TCF12: variants seen among roughly 807,000 people sequenced by gnomAD.
TCF12 encodes DNA-binding protein HTF4.
Under a neutral mutation model 86.0 loss-of-function variants are expected in TCF12, and 45 were observed. That is an observed-to-expected ratio of 0.52 (90% confidence interval 0.41 to 0.67). TCF12 has a LOEUF of 0.67. Among genes scored for constraint, TCF12 ranks in the 30% least tolerant of loss-of-function variants. The pLI, the probability that TCF12 is intolerant of heterozygous loss-of-function variation, is 0.00. For missense variants in TCF12, 881 were observed against 859.9 expected (o/e 1.02, Z -0.31); for synonymous variants, 330 against 299.6 (o/e 1.10, Z -1.05).
intron 3 of TCF12, among the ~76,000 whole-genome samples, chr15:56,934,747 A>G (rs576560007): frequency 3.9e-5 from 6 of 152,324 alleles, no homozygotes; most frequent in African/African-American, 1.2e-4. Context: ...AATCCAAAGT[A>G]AGGAGACTAC....
At chr15:57,244,218 C>T (rs1265179013) in intron 13 of TCF12, among the ~76,000 whole-genome samples, 1 of 152,082 alleles carries the variant, frequency 6.6e-6, no homozygotes, top group Non-Finnish European at 1.5e-5. Context: ...GTAAAATAAA[C>T]AAGATTAATC....
chr15:56,974,470 T>C (rs1339766312), intron 3 of TCF12, among the ~76,000 whole-genome samples: 2 of 152,094 alleles, frequency 1.3e-5, no homozygotes, highest in Non-Finnish European at 2.9e-5. Context: ...AATAAAATTT[T>C]AAAAATAAAA....
intron 3 of TCF12, among the ~76,000 whole-genome samples, chr15:56,939,967 G>GTTTTTTT (rs67832685): frequency 1.8e-4 from 19 of 104,714 alleles, no homozygotes; most frequent in East Asian, 1.2e-3. Flanking sequence ...TTAATAGCGT[G>GTTTTTTT]TTTTTTTTTT....
chr15:57,250,644 G>A lies in TCF12; in HGVS notation c.1115-706G>A, dbSNP rs527841135. ...CTTGGGAGGCTGAGGCAGGAGAATC[G>A]CTTGAACCTGGGAGGTAGAGGTTGC... On this transcript the variant is annotated intron_variant, in intron 13 of 20. Coordinates refer to ENST00000333725, the MANE Select transcript of TCF12 (RefSeq NM_207037.2). Among the ~76,000 whole-genome samples, 12 of 152,120 alleles carry A rather than the reference G, an allele frequency of 7.9e-5. No individual in the cohort carries two copies. In the South Asian group the frequency reaches 1.5e-3, roughly 18 times the overall value.
intron 6 of TCF12, among the ~76,000 whole-genome samples, chr15:57,167,772 A>G (rs1232585996): frequency 1.3e-5 from 2 of 152,206 alleles, no homozygotes. Context: ...TCTTGGCTTC[A>G]GACCAAGCAG....
chr15:57,010,079 T>C (rs1228332815), intron 3 of TCF12, among the ~76,000 whole-genome samples: 1 of 152,164 alleles, frequency 6.6e-6, no homozygotes, highest in African/African-American at 2.4e-5. Context: ...TCTGACTCTT[T>C]ACTCTGCATA....
chr15:57,278,982 A>G (rs1164394049), intron 19 of TCF12, among the ~76,000 whole-genome samples: 1 of 39,076 alleles, frequency 2.6e-5, no homozygotes, highest in Non-Finnish European at 5.6e-5. Context: ...CTTGTCTTGT[A>G]TTTTCTTTTC....
chr15:57,162,300 C>T (rs1298774568), intron 5 of TCF12, among the ~76,000 whole-genome samples: 1 of 150,826 alleles, frequency 6.6e-6, no homozygotes, highest in African/African-American at 2.4e-5. Flanking sequence ...TTGTCAGATG[C>T]CTGAGATAAA....
intron 4 of TCF12, among the ~76,000 whole-genome samples, chr15:57,078,744 A>G (rs573549044): frequency 1.3e-5 from 2 of 152,352 alleles, no homozygotes; most frequent in East Asian, 3.9e-4. Flanking sequence ...GAGAAGATGA[A>G]GTATCAAAAA....
chr15:56,940,563 C>CGT (rs2060701015), intron 3 of TCF12, among the ~76,000 whole-genome samples: 1 of 149,546 alleles, frequency 6.7e-6, no homozygotes. Context: ...TTTTCCTCTT[C>CGT]CTCTTCTTCT....
chr15:56,934,566 T>C (rs2140293026), intron 3 of TCF12, among the ~76,000 whole-genome samples: 1 of 152,322 alleles, frequency 6.6e-6, no homozygotes, highest in Non-Finnish European at 1.5e-5. Flanking sequence ...ATGAAGATGC[T>C]CCTGCAGCAT....
intron 5 of TCF12, among the ~76,000 whole-genome samples, chr15:57,165,905 A>C (rs2054857176): frequency 6.6e-6 from 1 of 152,212 alleles, no homozygotes; most frequent in African/African-American, 2.4e-5. Flanking sequence ...ATGGGAAAAC[A>C]TTCTAACTAG....
chr15:56,979,483 A>G (rs2062781330), intron 3 of TCF12, among the ~76,000 whole-genome samples: 2 of 152,212 alleles, frequency 1.3e-5, no homozygotes, highest in Non-Finnish European at 2.9e-5. Flanking sequence ...TAGTAGAAAT[A>G]GATCCTGACT....
In TCF12 at chr15:57,230,585, G is replaced by A. The variant is rs566205014; in HGVS notation, c.580-567G>A. Among the ~76,000 whole-genome samples the A allele has an allele frequency of 2.6e-5, 4 of 152,182 alleles. No homozygotes were observed. In the South Asian group the frequency reaches 6.2e-4, roughly 24 times the overall value. On this transcript the variant is annotated intron_variant, in intron 8 of 20. Transcript: ENST00000333725. ...TCTTAAAGCTTTGCCAGACTTGAAAGTGTACTGGAAATGTGTTTTTAATTT... is the reference window on the plus strand; with the variant it reads ...TCTTAAAGCTTTGCCAGACTTGAAAATGTACTGGAAATGTGTTTTTAATTT...
intron 5 of TCF12, among the ~76,000 whole-genome samples, chr15:57,145,402 T>C (rs2053286131): frequency 6.6e-6 from 1 of 152,122 alleles, no homozygotes; most frequent in Admixed American, 6.6e-5. Context: ...ATTTATAAAA[T>C]GGGAATAATA....
intron 16 of TCF12, among the ~76,000 whole-genome samples, chr15:57,258,160 A>T (rs2060434546): frequency 6.6e-6 from 1 of 152,108 alleles, no homozygotes; most frequent in African/African-American, 2.4e-5. Flanking sequence ...GCATGCCTGT[A>T]ATCCCAGGTA....
At chr15:57,143,397 A>G (rs2053131229) in intron 5 of TCF12, among the ~76,000 whole-genome samples, 2 of 152,278 alleles carry the variant, frequency 1.3e-5, no homozygotes, top group East Asian at 3.9e-4. Flanking sequence ...CTTATTCTCA[A>G]AAATAACTAA....
intron 5 of TCF12, among the ~76,000 whole-genome samples, chr15:57,138,556 A>G (rs2052726217): frequency 6.6e-6 from 1 of 152,240 alleles, no homozygotes; most frequent in African/African-American, 2.4e-5. Flanking sequence ...CCGAAAGGAA[A>G]AGTGTAAAGC....
intron 4 of TCF12, among the ~76,000 whole-genome samples, chr15:57,067,456 C>T (rs1195560775): frequency 1.0e-5 from 1 of 99,530 alleles, no homozygotes; most frequent in Non-Finnish European, 2.0e-5. Context: ...AGGAGAATGG[C>T]GTGAACCCGG....
Sources: gnomAD v4.1 joint callset for allele counts (sites outside exome capture counted in the v4.1 genomes callset) on GRCh38, gnomAD v4.1.1 for gene constraint, MANE v1.5 for transcripts, NCBI Gene and HGNC (gene_info 2026-07-23, HGNC 2026-07-21) for gene names.